Variants in UTP20 observed in about 807,000 individuals in gnomAD.
UTP20 encodes small subunit processome component 20 homolog.
UTP20 carries 164 observed loss-of-function variants against 329.5 expected under a neutral mutation model. The ratio of observed to expected loss-of-function variants is 0.50; its 90% CI spans 0.44 to 0.57. UTP20 has a LOEUF of 0.57. Ranked by LOEUF, UTP20 falls within the 20% of genes least tolerant of loss-of-function variation. The pLI, the probability that UTP20 is intolerant of heterozygous loss-of-function variation, is 0.00. For synonymous variants in UTP20, 1,151 were observed against 1,159.3 expected (o/e 0.99, Z 0.14); for missense variants, 3,055 against 3,284.2 (o/e 0.93, Z 1.71).
At position 101,328,796 on chromosome 12, in the gene UTP20, G is replaced by A. The variant is rs531482028; in HGVS notation, c.3209-445G>A. On this transcript the variant is annotated intron_variant, in intron 26 of 61. Coordinates refer to ENST00000261637, the MANE Select transcript of UTP20 (RefSeq NM_014503.3). ...AGGCAGGAGAACCGCGTGGACCCGG[G>A]AGGCAGAGATTGCAGTGAGCCGAGA... Among the ~76,000 whole-genome samples the A allele has an allele frequency of 2.4e-4, 36 of 151,662 alleles. 1 individual carries two copies. The South Asian group carries it at 7.1e-3, about 30-fold the overall frequency.
intron 2 of UTP20, among the ~76,000 whole-genome samples, chr12:101,282,236 T>C (rs1871824069): frequency 1.3e-5 from 2 of 152,114 alleles, no homozygotes; most frequent in African/African-American, 2.4e-5. Context: ...TGAGAACTCA[T>C]AGTAAAGGGA....
At chr12:101,310,823 G>C (rs900082785) in intron 19 of UTP20, among the ~76,000 whole-genome samples, 25 of 152,014 alleles carry the variant, frequency 1.6e-4, no homozygotes, top group African/African-American at 5.8e-4. Flanking sequence ...TACTACCCTT[G>C]TCTACCTTTT....
In UTP20 at chr12:101,370,569, C is replaced by G. The variant is rs7977155; in HGVS notation, c.6687+6C>G. The G allele has an allele frequency of 0.084, 134,699 of 1,610,084 alleles. 24,158 individuals are homozygous for G. Among genetic ancestry groups the G allele is most frequent in the African/African-American group, 0.59 (44,162 of 74,812 alleles). On this transcript the variant is annotated splice_donor_region_variant and intron_variant, in intron 50 of 61. Transcript: ENST00000261637. ...CTGCCTTTGGTCTTCTGAAGGTATGCTGTCGCCAGAATGTTGACTGTTACG... is the reference window on the plus strand; with the variant it reads ...CTGCCTTTGGTCTTCTGAAGGTATGGTGTCGCCAGAATGTTGACTGTTACG...
intron 6 of UTP20, among the ~76,000 whole-genome samples, chr12:101,289,247 C>T (rs1008368380): frequency 5.3e-5 from 8 of 151,942 alleles, no homozygotes; most frequent in South Asian, 2.1e-4. Flanking sequence ...CGTGGTGGCG[C>T]GCACCTGTAT....
intron 43 of UTP20, 114 bp downstream of exon 43, chr12:101,357,196 C>A: frequency 2.1e-6 from 2 of 945,054 alleles, no homozygotes; most frequent in Non-Finnish European, 3.1e-6. Context: ...TCCACTGACA[C>A]TCTGAGCAGT....
At chr12:101,375,805 A>G in intron 56 of UTP20, 49 bp downstream of exon 56, 1 of 1,183,862 alleles carries the variant, frequency 8.4e-7, no homozygotes. Flanking sequence ...TTGTCATAGA[A>G]TTACTGAAAG....
chr12:101,362,328 G>T (rs917675249), intron 44 of UTP20, among the ~76,000 whole-genome samples: 3 of 152,134 alleles, frequency 2.0e-5, no homozygotes, highest in Non-Finnish European at 4.4e-5. Flanking sequence ...AAGATTTTCA[G>T]TCACATCTAA....
intron 6 of UTP20, among the ~76,000 whole-genome samples, chr12:101,289,594 A>G (rs758292245): frequency 6.6e-6 from 1 of 152,044 alleles, no homozygotes; most frequent in Admixed American, 6.6e-5. Context: ...TTGGGTCACT[A>G]TTGTATTGTT....
chr12:101,307,491 C>G (rs1872672825), intron 17 of UTP20, among the ~76,000 whole-genome samples: 1 of 152,124 alleles, frequency 6.6e-6, no homozygotes, highest in South Asian at 2.1e-4. Flanking sequence ...ATCCTCCTGG[C>G]TCATCCTTCT....
Position 101,280,180 on chromosome 12 carries a change from G to T in UTP20, c.-103G>T. The stretch of plus-strand genomic sequence containing the variant: ...GCACGTGAGAAAGTCTGGGCATCTG[G>T]GAATCGGAGAGTATAGCCTGTGAGC... On this transcript the variant is annotated 5_prime_UTR_variant, in exon 1 of 62. Transcript: ENST00000261637. 1 of 1,419,378 alleles carries T rather than the reference G, an allele frequency of 7.0e-7. No individual in the cohort carries two copies. The highest frequency in any genetic ancestry group is 9.6e-7 in the Non-Finnish European group (1 of 1,043,052). 87.9% of individuals were successfully genotyped at this position (1,419,378 alleles called of 1,614,324 possible). A position where few individuals can be genotyped will look rare whatever the true frequency, so the allele number is the denominator to read the frequency against.
At chr12:101,362,124 T>A in intron 44 of UTP20, 64 bp downstream of exon 44, 1 of 1,167,822 alleles carries the variant, frequency 8.6e-7, no homozygotes, top group Non-Finnish European at 1.3e-6. Context: ...AAAAAATCAA[T>A]TCACCAAATA....
Position 101,294,050 on chromosome 12 carries a change from T to A in UTP20, c.1251+805T>A, listed in dbSNP as rs1316616933. Among the ~76,000 whole-genome samples the A allele has an allele frequency of 2.0e-5, 3 of 152,210 alleles. No individual in the cohort carries two copies. In the East Asian group the frequency reaches 5.8e-4, roughly 29 times the overall value. On this transcript the variant is annotated intron_variant, in intron 11 of 61. Transcript: ENST00000261637. ...TTTTTTCTTTTCTTTCTTCTTTTTT[T>A]TTAGAGACGGAGTCTCACTCTGTCG...
At chr12:101,357,842 C>G (rs1465966111) in intron 43 of UTP20, among the ~76,000 whole-genome samples, 3 of 152,168 alleles carry the variant, frequency 2.0e-5, no homozygotes, top group Non-Finnish European at 2.9e-5. Context: ...AGCATGGCAC[C>G]TGGACAGACA....
intron 15 of UTP20, 138 bp downstream of exon 15, chr12:101,302,691 G>C (rs1233246099): frequency 3.6e-6 from 2 of 562,204 alleles, no homozygotes; most frequent in African/African-American, 3.9e-5. Flanking sequence ...ATTTAATATT[G>C]ATTTAGATCC....
chr12:101,327,007 G>T, intron 25 of UTP20, 74 bp from the exon 26 acceptor site: 1 of 1,457,416 alleles, frequency 6.9e-7, no homozygotes, highest in South Asian at 1.4e-5. Context: ...TGCTCTTCTA[G>T]CCTTTTAGGC....
At chr12:101,383,479 CTG>C in intron 59 of UTP20, 62 bp from the exon 60 acceptor site, 2 of 1,563,566 alleles carry the variant, frequency 1.3e-6, no homozygotes, top group Non-Finnish European at 8.7e-7. Flanking sequence ...TCAATTAATG[CTG>C]TGTCTATGAT....
rs1565806426 is a variant in UTP20, at chr12:101,367,983, A to G, written c.6384+7A>G. On this transcript the variant is annotated splice_region_variant and intron_variant, in intron 48 of 61. Coordinates refer to ENST00000261637, the MANE Select transcript of UTP20 (RefSeq NM_014503.3). ...GGGCTCCATGGATGTGAAGGTAAGC[A>G]TCGGTTTGCACTCTGCATTGGAGCA... 6.3e-7 allele frequency: 1 copy of G among 1,577,312 alleles called. No homozygotes were observed. The highest frequency in any genetic ancestry group is 8.7e-7 in the Non-Finnish European group (1 of 1,146,656).
chr12:101,341,563 T>C (rs79212171), intron 32 of UTP20, among the ~76,000 whole-genome samples: 2,950 of 152,234 alleles, frequency 0.019, 57 homozygotes, highest in African/African-American at 0.052. Flanking sequence ...ATTCAACCAA[T>C]CATAGATGAA....
In UTP20 at chr12:101,371,123, G is replaced by A. The variant is rs1870272447; in HGVS notation, c.6753G>A (p.Leu2251=). The A allele has an allele frequency of 1.2e-6, 2 of 1,614,004 alleles. No homozygotes were observed. Among genetic ancestry groups the A allele is most frequent in the South Asian group, 2.2e-5 (2 of 91,076 alleles). ...IDEVMRKVSK[L]AVSAQSEPAR... ...AGGTCATGCGGAAAGTATCCAAGTT[G>A]GCAGTCTCTGCACAAAGCGAACCTG... Residue 2251 remains leucine (L), a synonymous_variant, in exon 51 of 62, where the codon TTG becomes TTA. Coordinates refer to ENST00000261637, the MANE Select transcript of UTP20 (RefSeq NM_014503.3).
Sources: allele counts gnomAD v4.1 joint callset (sites outside exome capture counted in the v4.1 genomes callset), GRCh38; gene constraint gnomAD v4.1.1; transcripts MANE v1.5; gene names NCBI Gene and HGNC (gene_info 2026-07-23, HGNC 2026-07-21).